FBXO43: variants seen among roughly 807,000 people sequenced by gnomAD.
FBXO43 encodes the protein F-box protein 43.
Under a neutral mutation model 56.7 loss-of-function variants are expected in FBXO43, and 22 were observed. The observed-to-expected ratio is 0.39, with a 90% confidence interval of 0.28 to 0.55. The LOEUF (loss-of-function observed/expected upper bound fraction) is 0.55, where lower values mean the gene tolerates loss of function less well. Among genes scored for constraint, FBXO43 ranks in the 20% least tolerant of loss-of-function variants. FBXO43 has a pLI of 0.66. For missense variants in FBXO43, 733 were observed against 814.9 expected (o/e 0.90, Z 1.22); for synonymous variants, 306 against 294.5 (o/e 1.04, Z -0.40).
Position 100,140,792 on chromosome 8 carries a change from T to G in FBXO43, c.1462A>C (p.Lys488Gln), listed in dbSNP as rs1814615001. Residue 488 changes from lysine to glutamine, a missense_variant, in exon 2 of 5, where the codon AAG (lysine) becomes CAG (glutamine). Physicochemically the swap from Lys to Gln is moderately conservative, Grantham distance 53 (BLOSUM62 1). Coordinates refer to ENST00000428847, the MANE Select transcript of FBXO43 (RefSeq NM_001029860.4). The stretch of plus-strand genomic sequence containing the variant: ...TCCAGTTTTTCTATACCCATTTTCT[T>G]GCCGATCAGTCCTGCAAGTATACAC... Reference protein sequence around the residue: ...LQCILAGLIGKKMGIEKLDIL... With the variant: ...LQCILAGLIGQKMGIEKLDIL... 6.2e-7 allele frequency: 1 copy of G among 1,614,064 alleles called. No homozygotes were observed. The highest frequency in any genetic ancestry group is 1.7e-5 in the Admixed American group (1 of 59,996).
At chr8:100,149,480 G>C (rs1483627985), upstream of FBXO43, among the ~76,000 whole-genome samples, 1 of 152,234 alleles carries the variant, frequency 6.6e-6, no homozygotes, top group Non-Finnish European at 1.5e-5. Context: ...CTTTGGTTAA[G>C]AGGAGAGGTA....
At chr8:100,148,251 A>G (rs1814865454), upstream of FBXO43, among the ~76,000 whole-genome samples, 1 of 147,494 alleles carries the variant, frequency 6.8e-6, no homozygotes, top group Admixed American at 6.9e-5. Context: ...ACTATATCAT[A>G]TCTCCTTTAT....
In FBXO43 at chr8:100,141,102, C is replaced by T. The variant is rs371117490; in HGVS notation, c.1152G>A (p.Leu384=). ...KTRHLGRSRR[L]STLREQSSQS... The stretch of plus-strand genomic sequence containing the variant: ...GCGAGCTTTGTTCCCGAAGGGTGGA[C>T]AGTCTTCTCGACCTTCCAAGATGTC... The change falls in exon 2 of 5, where the codon CTG becomes CTA. Residue 384 remains leucine (L), a synonymous_variant. Transcript: ENST00000428847. 2.5e-6 allele frequency: 4 copies of T among 1,614,204 alleles called. No homozygotes were observed. The highest frequency in any genetic ancestry group is 3.4e-6 in the Non-Finnish European group (4 of 1,180,038).
chr8:100,138,264 A>T (rs576792765), intron 2 of FBXO43, among the ~76,000 whole-genome samples: 13 of 152,362 alleles, frequency 8.5e-5, no homozygotes, highest in Middle Eastern at 3.4e-3. Flanking sequence ...TATTATTATT[A>T]AAAAGTAAGA....
rs775663719 is a variant in FBXO43, at chr8:100,141,272, T to C, written c.982A>G (p.Ile328Val). 3.1e-6 allele frequency: 5 copies of C among 1,614,154 alleles called. No homozygotes were observed. The South Asian group carries it at 5.5e-5, about 18-fold the overall frequency. ...LSPSPEVRGS[I>V]STPEDSGFNS... Reference sequence around the variant, plus strand: ...AAACCACTGTCTTCAGGCGTTGAAATACTGCCTCTCACTTCAGGTGAAGGA... The same window carrying C: ...AAACCACTGTCTTCAGGCGTTGAAACACTGCCTCTCACTTCAGGTGAAGGA... Residue 328 changes from isoleucine (I) to valine (V), a missense_variant, in exon 2 of 5, where the codon ATT (isoleucine) becomes GTT (valine). Coordinates refer to ENST00000428847, the MANE Select transcript of FBXO43 (RefSeq NM_001029860.4).
In FBXO43 at chr8:100,142,001, T is replaced by C; in HGVS notation, c.253A>G (p.Ser85Gly). ...TATTCTTTATCTATATTATCAAAGC[T>C]ACAAGATTTTAACTCATTGTAGCCA... ...DSGYNELKSC[S>G]FDNIDKEYLG... The change falls in exon 2 of 5, where the codon AGC (serine) becomes GGC (glycine). Residue 85 changes from serine to glycine, a missense_variant. Ser to Gly is a moderately conservative substitution (Grantham distance 56). Transcript: ENST00000428847. The C allele has an allele frequency of 1.9e-6, 3 of 1,612,796 alleles. No individual in the cohort carries two copies. The highest frequency in any genetic ancestry group is 2.5e-6 in the Non-Finnish European group (3 of 1,179,682).
chr8:100,143,153 T>C (rs1008139884), intron 1 of FBXO43, among the ~76,000 whole-genome samples: 4 of 152,206 alleles, frequency 2.6e-5, no homozygotes, highest in Non-Finnish European at 5.9e-5. Context: ...CAAATTTGTT[T>C]TGACAAAAAT....
At chr8:100,135,521 A>G (rs1008409106) in intron 3 of FBXO43, among the ~76,000 whole-genome samples, 1 of 152,234 alleles carries the variant, frequency 6.6e-6, no homozygotes, top group Non-Finnish European at 1.5e-5. Context: ...AAGTCAAAAT[A>G]AGAAAAAGAG....
rs143939170 is a variant in FBXO43, at chr8:100,145,068, C to T, written c.68G>A (p.Ser23Asn). ...LEAYVTLTSK[S>N]SRFTDETEIL... ...ACTCTTACCATCAGTAAATCTTGAG[C>T]TCTTAGATGTCAAAGTTACGTAGGC... Residue 23 changes from serine to asparagine, a missense_variant, in exon 1 of 5, where the codon AGC becomes AAC. Coordinates refer to ENST00000428847, the MANE Select transcript of FBXO43 (RefSeq NM_001029860.4). 1.9e-6 allele frequency: 3 copies of T among 1,611,402 alleles called. No homozygotes were observed. The highest frequency in any genetic ancestry group is 2.7e-5 in the African/African-American group (2 of 74,942).
chr8:100,135,773 T>G (rs2132120580), intron 3 of FBXO43, among the ~76,000 whole-genome samples: 1 of 152,090 alleles, frequency 6.6e-6, no homozygotes, highest in South Asian at 2.1e-4. Context: ...CCCAGCTACT[T>G]TTTGTATTTT....
In FBXO43 at chr8:100,137,601, C is replaced by G. The variant is rs370368276; in HGVS notation, c.1638G>C (p.Arg546Ser). The G allele has an allele frequency of 6.2e-7, 1 of 1,612,622 alleles. No individual in the cohort carries two copies. Among genetic ancestry groups the G allele is most frequent in the African/African-American group, 1.3e-5 (1 of 74,838 alleles). The change falls in exon 3 of 5, where the codon AGG becomes AGC. Residue 546 changes from arginine to serine, a missense_variant. Arg to Ser is a moderately radical substitution (Grantham distance 110). Transcript: ENST00000428847. ...TTTTCAGTTGTGTGATATAAAATTT[C>G]CTCCTCCGATTTGCATTTTTATCTT... ...VVQDKNANRR[R>S]KFYITQLKTD...
At chr8:100,143,315 G>A (rs968168672) in intron 1 of FBXO43, among the ~76,000 whole-genome samples, 3 of 152,196 alleles carry the variant, frequency 2.0e-5, no homozygotes, top group Non-Finnish European at 4.4e-5. Context: ...TTTATTGGCT[G>A]TAATGCGACA....
At position 100,141,768 on chromosome 8, in the gene FBXO43, G is replaced by A. The variant is rs752030676; in HGVS notation, c.486C>T (p.Phe162=). The change falls in exon 2 of 5, where the codon TTC becomes TTT. Residue 162 remains phenylalanine, a synonymous_variant. Coordinates refer to ENST00000428847, the MANE Select transcript of FBXO43 (RefSeq NM_001029860.4). ...ATTCAAAGTCCCCTTTTAGAAGAGC[G>A]AAAGATACATTCAACCTTCTGCGAG... ...CLPRRRLNVS[F]ALLKGDFESQ... is the part of the protein sequence containing the mutation. The A allele has an allele frequency of 2.1e-5, 34 of 1,591,610 alleles. No individual in the cohort carries two copies. Among genetic ancestry groups the A allele is most frequent in the Middle Eastern group, 1.7e-4 (1 of 5,952 alleles).
At chr8:100,144,804 C>A (rs1413824622) in intron 1 of FBXO43, among the ~76,000 whole-genome samples, 1 of 151,362 alleles carries the variant, frequency 6.6e-6, no homozygotes. Flanking sequence ...TGGTGGCGGG[C>A]GCCTGTAGTC....
In FBXO43 at chr8:100,141,921, T is replaced by C. The variant is rs779077391; in HGVS notation, c.333A>G (p.Ser111=). The change falls in exon 2 of 5, where the codon TCA becomes TCG. Residue 111 remains serine (S), a synonymous_variant. Transcript: ENST00000428847. ...PTLLYEHPET[S]GLGLTHPLES... Reference sequence around the variant, plus strand: ...CTAAAGGATGTGTTAAGCCCAGGCCTGAAGTTTCAGGGTGCTCATAGAGTA... The same window carrying C: ...CTAAAGGATGTGTTAAGCCCAGGCCCGAAGTTTCAGGGTGCTCATAGAGTA... 2.5e-6 allele frequency: 4 copies of C among 1,591,386 alleles called. No homozygotes were observed. The highest frequency in any genetic ancestry group is 3.4e-6 in the Non-Finnish European group (4 of 1,172,404).
chr8:100,140,036 C>A (rs933538135), intron 2 of FBXO43, among the ~76,000 whole-genome samples: 38 of 152,244 alleles, frequency 2.5e-4, no homozygotes, highest in Middle Eastern at 3.4e-3. Context: ...ACTATTAAAT[C>A]ATTAAACAAC....
At chr8:100,150,210 C>G (rs571374456), upstream of FBXO43, among the ~76,000 whole-genome samples, 38 of 152,320 alleles carry the variant, frequency 2.5e-4, no homozygotes, top group Admixed American at 3.9e-4. Flanking sequence ...TGCCCCACTG[C>G]CCCAGTACAG....
chr8:100,138,126 T>A (rs1814528421), intron 2 of FBXO43, among the ~76,000 whole-genome samples: 1 of 152,234 alleles, frequency 6.6e-6, no homozygotes, highest in African/African-American at 2.4e-5. Context: ...AAGTGCCAAC[T>A]ATAAATACTA....
chr8:100,135,375 C>A (rs1814438912), intron 3 of FBXO43, among the ~76,000 whole-genome samples: 1 of 152,026 alleles, frequency 6.6e-6, no homozygotes, highest in Admixed American at 6.6e-5. Flanking sequence ...GAGCTAAACA[C>A]TAGAAGAAAG....
Sources: gnomAD v4.1 joint callset for allele counts (sites outside exome capture counted in the v4.1 genomes callset) on GRCh38, gnomAD v4.1.1 for gene constraint, MANE v1.5 for transcripts, NCBI Gene and HGNC (gene_info 2026-07-23, HGNC 2026-07-21) for gene names.